Variants in WDR72 observed in about 807,000 individuals in gnomAD.
WDR72 encodes the protein WD repeat-containing protein 72.
In WDR72, 120 loss-of-function variants were observed where a neutral mutation model predicts 124.2. The ratio of observed to expected loss-of-function variants is 0.97; its 90% confidence interval spans 0.83 to 1.12. WDR72 has a LOEUF of 1.12. Among genes scored for constraint, WDR72 ranks in the 50% most tolerant of loss-of-function variants. The pLI is 0.00. For synonymous variants in WDR72, 452 were observed against 441.7 expected (o/e 1.02, Z -0.29); for missense variants, 1,387 against 1,278.8 (o/e 1.08, Z -1.29).
intron 18 of WDR72, among the ~76,000 whole-genome samples, chr15:53,533,018 T>C (rs976776730): frequency 3.9e-5 from 6 of 152,100 alleles, no homozygotes; most frequent in African/African-American, 1.4e-4. Flanking sequence ...ATTGTGTCAA[T>C]GTAAAAATGT....
At position 53,676,205 on chromosome 15, in the gene WDR72, A is replaced by T. The variant is rs1198702233; in HGVS notation, c.1766-10437T>A. ...GTAGGACTGTCCTACCTGACCACTAATGTAATAGGAAGACTTCTACTAATA... is the reference window on the plus strand; with the variant it reads ...GTAGGACTGTCCTACCTGACCACTATTGTAATAGGAAGACTTCTACTAATA... On this transcript the variant is annotated intron_variant, in intron 13 of 19. Transcript: ENST00000360509. Among the ~76,000 whole-genome samples the T allele has an allele frequency of 2.0e-5, 3 of 152,106 alleles. No homozygotes were observed. In the South Asian group the frequency reaches 6.2e-4, roughly 32 times the overall value.
intron 18 of WDR72, among the ~76,000 whole-genome samples, chr15:53,529,984 TAA>T (rs1482943783): frequency 1.3e-5 from 2 of 151,894 alleles, no homozygotes; most frequent in Non-Finnish European, 2.9e-5. Context: ...CAGGTAATTC[TAA>T]GAGTTCCCAC....
chr15:53,627,116 A>G (rs1387341750), intron 14 of WDR72, among the ~76,000 whole-genome samples: 1 of 152,242 alleles, frequency 6.6e-6, no homozygotes. Context: ...GTTCTAAGTT[A>G]CCCATCTGGC....
rs796534077 is a variant in WDR72, at chr15:53,621,549, C to A, written c.1963-5306G>T. Among the ~76,000 whole-genome samples the A allele has an allele frequency of 6.0e-5, 9 of 150,830 alleles. 1 individual carries two copies. Among genetic ancestry groups the A allele is most frequent in the African/African-American group, 2.2e-4 (9 of 40,970 alleles). On this transcript the variant is annotated intron_variant, in intron 14 of 19. Coordinates refer to ENST00000360509, the MANE Select transcript of WDR72 (RefSeq NM_182758.4). ...GTGAAGTATCTCAGGAATGGAAAATCAAGCATCATATGTTTTCACTTATAA... is the reference window on the plus strand; with the variant it reads ...GTGAAGTATCTCAGGAATGGAAAATAAAGCATCATATGTTTTCACTTATAA...
intron 17 of WDR72, 71 bp downstream of exon 17, chr15:53,609,442 A>G (rs2013436455): frequency 7.6e-7 from 1 of 1,307,862 alleles, no homozygotes; most frequent in Non-Finnish European, 1.1e-6. Flanking sequence ...TTTCAGATAG[A>G]GGGGGGTATC....
At chr15:53,660,429 CT>C (rs1320508931) in intron 14 of WDR72, among the ~76,000 whole-genome samples, 3 of 151,988 alleles carry the variant, frequency 2.0e-5, no homozygotes, top group Non-Finnish European at 4.4e-5. Context: ...AACTTTCATT[CT>C]CATAAGGTGA....
At chr15:53,589,437 C>T (rs1218031364) in intron 18 of WDR72, among the ~76,000 whole-genome samples, 1 of 151,858 alleles carries the variant, frequency 6.6e-6, no homozygotes, top group African/African-American at 2.4e-5. Context: ...ATCCATTCAC[C>T]CATCCACTCA....
intron 16 of WDR72, among the ~76,000 whole-genome samples, chr15:53,613,209 T>C (rs2013617922): frequency 6.6e-6 from 1 of 152,084 alleles, no homozygotes; most frequent in South Asian, 2.1e-4. Context: ...CCTTCTGAAA[T>C]TGCAAGAAAA....
At chr15:53,613,623 GAAAA>G in intron 16 of WDR72, 39 bp downstream of exon 16, 2 of 1,283,842 alleles carry the variant, frequency 1.6e-6, no homozygotes, top group Non-Finnish European at 2.2e-6. Flanking sequence ...TCCTTTCACA[GAAAA>G]AAAAAATCAG....
chr15:53,705,273 C>G, intron 10 of WDR72, 40 bp from the exon 11 acceptor site: 5 of 1,599,782 alleles, frequency 3.1e-6, no homozygotes, highest in Non-Finnish European at 3.4e-6. Flanking sequence ...TTTGGTTTAT[C>G]AGTACATCAT....
At chr15:53,548,381 C>T (rs1798943665) in intron 18 of WDR72, among the ~76,000 whole-genome samples, 3 of 152,162 alleles carry the variant, frequency 2.0e-5, no homozygotes, top group Admixed American at 2.0e-4. Context: ...TCAGATGCAG[C>T]AGGGTTAGTT....
intron 14 of WDR72, among the ~76,000 whole-genome samples, chr15:53,630,386 G>A (rs1223020792): frequency 6.6e-6 from 1 of 152,088 alleles, no homozygotes; most frequent in Non-Finnish European, 1.5e-5. Context: ...CCCTGATACT[G>A]AAACCAGACA....
intron 13 of WDR72, among the ~76,000 whole-genome samples, chr15:53,682,906 C>G (rs1567024294): frequency 6.6e-6 from 1 of 152,080 alleles, no homozygotes; most frequent in Non-Finnish European, 1.5e-5. Flanking sequence ...AGAGACTGGA[C>G]AATCTATGGA....
intron 14 of WDR72, among the ~76,000 whole-genome samples, chr15:53,657,431 A>C (rs118043006): frequency 0.013 from 1,975 of 152,174 alleles, 31 homozygotes; most frequent in East Asian, 0.069. Context: ...GGCAAATGTA[A>C]AGATGTGCTT....
chr15:53,610,170 G>T (rs2013478310), intron 16 of WDR72, among the ~76,000 whole-genome samples: 1 of 151,950 alleles, frequency 6.6e-6, no homozygotes, highest in African/African-American at 2.4e-5. Context: ...TTCTCTGTTT[G>T]CCCTCTCCAG....
chr15:53,745,661 CT>C (rs1162677142), intron 1 of WDR72, among the ~76,000 whole-genome samples: 1 of 152,108 alleles, frequency 6.6e-6, no homozygotes, highest in African/African-American at 2.4e-5. Flanking sequence ...ATGAGACATG[CT>C]TATAGAAAAT....
chr15:53,757,031 T>C (rs1166963967), intron 1 of WDR72, among the ~76,000 whole-genome samples: 1 of 152,182 alleles, frequency 6.6e-6, no homozygotes. Context: ...GGCCCAAATG[T>C]CTTTTCAGAC....
chr15:53,716,705 T>A lies in WDR72; in HGVS notation c.261-20A>T, dbSNP rs1450846886. 1 of 1,550,578 alleles carries A rather than the reference T, an allele frequency of 6.4e-7. No individual in the cohort carries two copies. Among genetic ancestry groups the A allele is most frequent in the Non-Finnish European group, 8.9e-7 (1 of 1,121,854 alleles). On this transcript the variant is annotated intron_variant, in intron 3 of 19. Coordinates refer to ENST00000360509, the MANE Select transcript of WDR72 (RefSeq NM_182758.4). ...ATCTCCCTAGCAGAAGATAACTTTGTGTTATTCTCTGTCATTTCCACTCAA... is the reference window on the plus strand; with the variant it reads ...ATCTCCCTAGCAGAAGATAACTTTGAGTTATTCTCTGTCATTTCCACTCAA...
chr15:53,524,044 A>C (rs939459072), intron 18 of WDR72, among the ~76,000 whole-genome samples: 6 of 152,018 alleles, frequency 3.9e-5, no homozygotes, highest in African/African-American at 1.4e-4. Context: ...CACTTTTTCC[A>C]CAAGTTGTAA....
Sources: gnomAD v4.1 joint callset for allele counts (sites outside exome capture counted in the v4.1 genomes callset) on GRCh38, gnomAD v4.1.1 for gene constraint, MANE v1.5 for transcripts, NCBI Gene and HGNC (gene_info 2026-07-23, HGNC 2026-07-21) for gene names.